ALPK1: variants seen among roughly 807,000 people sequenced by gnomAD.
ALPK1 encodes alpha-protein kinase 1.
A neutral mutation model predicts 120.6 loss-of-function variants in ALPK1; 110 were observed. That is an observed-to-expected ratio of 0.91 (90% CI 0.78 to 1.07). The LOEUF (loss-of-function observed/expected upper bound fraction) is 1.07, where lower values mean the gene tolerates loss of function less well. Ranked by LOEUF, ALPK1 falls within the 50% of genes least tolerant of loss-of-function variation. The probability of loss-of-function intolerance (pLI) is 0.00; values close to 1 mark genes in which losing one functional copy is unlikely to be tolerated. For synonymous variants in ALPK1, 582 were observed against 560.3 expected (o/e 1.04, Z -0.55); for missense variants, 1,498 against 1,483.9 (o/e 1.01, Z -0.16).
rs368093490 is a variant in ALPK1 at position 112,328,412 on chromosome 4, T to G, written c.-101+12560T>G. On this transcript the variant is annotated intron_variant, in intron 2 of 15. Coordinates refer to ENST00000650871, the MANE Select transcript of ALPK1 (RefSeq NM_025144.4). ...ACAGAAATGCATACGTAACACTACT[T>G]AATTATCTGACTACATCCTACATGT... 6.6e-5 allele frequency among the ~76,000 whole-genome samples: 10 copies of G among 152,374 alleles called. No homozygotes were observed. The East Asian group carries it at 1.9e-3, about 29-fold the overall frequency.
intron 1 of ALPK1, among the ~76,000 whole-genome samples, chr4:112,301,083 G>A (rs1324266843): frequency 6.6e-6 from 1 of 151,924 alleles, no homozygotes; most frequent in Admixed American, 6.6e-5. Context: ...CTTTTAGTTG[G>A]CATTTCTTCA....
At chr4:112,384,165 G>T (rs1732048709) in intron 4 of ALPK1, 2 of 152,214 alleles carry the variant, frequency 1.3e-5, no homozygotes, top group Admixed American at 6.5e-5. Context: ...CTCAGGGGAA[G>T]AACAGACCAG....
At chr4:112,333,470 C>T (rs1729473325) in intron 2 of ALPK1, among the ~76,000 whole-genome samples, 1 of 152,186 alleles carries the variant, frequency 6.6e-6, no homozygotes, top group East Asian at 1.9e-4. Context: ...ATTTCTATCT[C>T]TAAGTATCTG....
intron 4 of ALPK1, among the ~76,000 whole-genome samples, chr4:112,410,661 C>T (rs1453894942): frequency 6.6e-6 from 1 of 152,154 alleles, no homozygotes; most frequent in Non-Finnish European, 1.5e-5. Context: ...GGGTGATAAA[C>T]TCATTTATGC....
intron 2 of ALPK1, among the ~76,000 whole-genome samples, chr4:112,349,392 A>G (rs967124324): frequency 6.6e-6 from 1 of 152,254 alleles, no homozygotes; most frequent in Non-Finnish European, 1.5e-5. Context: ...CTCTTAAAAA[A>G]TAAAATTTAA....
intron 5 of ALPK1, among the ~76,000 whole-genome samples, chr4:112,417,195 A>C (rs1190258981): frequency 6.6e-6 from 1 of 152,210 alleles, no homozygotes; most frequent in Non-Finnish European, 1.5e-5. Flanking sequence ...CAGCTCTCTC[A>C]TTCACACACA....
rs763563402 is a variant in ALPK1 at position 112,431,729 on chromosome 4, A to G, written c.2182A>G (p.Arg728Gly). 1.2e-6 allele frequency: 2 copies of G among 1,614,204 alleles called. No individual in the cohort carries two copies. The highest frequency in any genetic ancestry group is 1.1e-5 in the South Asian group (1 of 91,084). ...RSASWSSDSG[R>G]PKNMGTHPSV... ...TGCTTCTTGGTCTTCTGATTCTGGT[A>G]GGCCCAAGAATATGGGCACACATCC... Residue 728 changes from arginine (R) to glycine (G), a missense_variant, in exon 11 of 16, where the codon AGG becomes GGG. Arg to Gly is a moderately radical substitution (Grantham distance 125). Transcript: ENST00000650871.
chr4:112,367,121 C>T (rs942446788), intron 2 of ALPK1, among the ~76,000 whole-genome samples: 24 of 152,134 alleles, frequency 1.6e-4, no homozygotes, highest in Non-Finnish European at 8.8e-5. Context: ...TGATGGGGTT[C>T]ACCTAAATCT....
At chr4:112,397,168 G>A (rs28604534) in intron 4 of ALPK1, among the ~76,000 whole-genome samples, 65,783 of 152,088 alleles carry the variant, frequency 0.43, 14,814 homozygotes, top group African/African-American at 0.58. Context: ...CAGCACAGCT[G>A]AAACCCCTTT....
At chr4:112,390,565 A>T (rs574284141) in intron 4 of ALPK1, among the ~76,000 whole-genome samples, 1 of 152,196 alleles carries the variant, frequency 6.6e-6, no homozygotes, top group Non-Finnish European at 1.5e-5. Context: ...CTTAAAATGC[A>T]TACCTTCAAA....
intron 2 of ALPK1, among the ~76,000 whole-genome samples, chr4:112,331,251 G>A (rs568820488): frequency 6.6e-6 from 1 of 152,238 alleles, no homozygotes; most frequent in South Asian, 2.1e-4. Flanking sequence ...TGCAGTACTG[G>A]TCTTTTGCCC....
intron 2 of ALPK1, among the ~76,000 whole-genome samples, chr4:112,339,637 T>C (rs1022551242): frequency 2.0e-5 from 3 of 152,236 alleles, no homozygotes; most frequent in Non-Finnish European, 4.4e-5. Flanking sequence ...TTCTGCAATG[T>C]TGTATAATTT....
At chr4:112,354,390 C>G (rs531672857) in intron 2 of ALPK1, among the ~76,000 whole-genome samples, 1 of 152,230 alleles carries the variant, frequency 6.6e-6, no homozygotes, top group African/African-American at 2.4e-5. Context: ...ATGCCATATA[C>G]TGAGCTCTAT....
At chr4:112,303,184 T>C in intron 1 of ALPK1, among the ~76,000 whole-genome samples, 1 of 152,170 alleles carries the variant, frequency 6.6e-6, no homozygotes, top group South Asian at 2.1e-4. Flanking sequence ...ACCCTCTTTC[T>C]CTCTTACTGT....
At chr4:112,384,314 A>C (rs901545525) in intron 4 of ALPK1, 1 of 152,264 alleles carries the variant, frequency 6.6e-6, no homozygotes. Context: ...GCTGTAGGCC[A>C]TCCAGTAACA....
chr4:112,432,468 C>T lies in ALPK1; in HGVS notation c.2921C>T (p.Thr974Ile). ...AGGAAAGAGATCCTTGAGGCTCGCACCTTGCAACCTGATGACTTTGAAAAG... is the reference window on the plus strand; with the variant it reads ...AGGAAAGAGATCCTTGAGGCTCGCATCTTGCAACCTGATGACTTTGAAAAG... ...KMRKEILEAR[T>I]LQPDDFEKLL... Residue 974 changes from threonine (T) to isoleucine (I), a missense_variant, in exon 11 of 16, where the codon ACC becomes ATC. Coordinates refer to ENST00000650871, the MANE Select transcript of ALPK1 (RefSeq NM_025144.4). 2 of 1,614,088 alleles carry T rather than the reference C, an allele frequency of 1.2e-6. No homozygotes were observed. Among genetic ancestry groups the T allele is most frequent in the Non-Finnish European group, 1.7e-6 (2 of 1,180,016 alleles).
At chr4:112,396,802 G>C (rs1732671417) in intron 4 of ALPK1, among the ~76,000 whole-genome samples, 1 of 151,740 alleles carries the variant, frequency 6.6e-6, no homozygotes, top group South Asian at 2.1e-4. Context: ...TTTGGAGACA[G>C]AGTCTCACTC....
At chr4:112,438,705 A>C in intron 13 of ALPK1, 59 bp downstream of exon 13, 1 of 1,550,880 alleles carries the variant, frequency 6.4e-7, no homozygotes, top group Non-Finnish European at 8.8e-7. Flanking sequence ...ATATCAATTA[A>C]TCTGAGTATC....
intron 2 of ALPK1, 94 bp from the exon 3 acceptor site, chr4:112,377,584 T>G: frequency 2.1e-6 from 1 of 469,718 alleles, no homozygotes; most frequent in Admixed American, 3.1e-5. Context: ...TCATGTATTT[T>G]CCTCTGTTTG....
Sources: gnomAD v4.1 joint callset for allele counts (sites outside exome capture counted in the v4.1 genomes callset) on GRCh38, gnomAD v4.1.1 for gene constraint, MANE v1.5 for transcripts, NCBI Gene and HGNC (gene_info 2026-07-23, HGNC 2026-07-21) for gene names.